Variants in SPAG16 observed in about 807,000 individuals in gnomAD.
The protein encoded by SPAG16 is sperm-associated antigen 16 protein.
Under a neutral mutation model 80.4 loss-of-function variants are expected in SPAG16, and 86 were observed. The observed-to-expected ratio is 1.07, with a 90% confidence interval of 0.90 to 1.28. The LOEUF (loss-of-function observed/expected upper bound fraction) is 1.28. Ranked by LOEUF, SPAG16 falls within the 50% of genes most tolerant of loss-of-function variation. The probability of loss-of-function intolerance (pLI) is 0.00; values close to 1 mark genes in which losing one functional copy is unlikely to be tolerated. For synonymous variants in SPAG16, 294 were observed against 265.9 expected (o/e 1.11, Z -1.03); for missense variants, 870 against 765.3 (o/e 1.14, Z -1.61).
chr2:213,308,846 T>C (rs1275241630), intron 3 of SPAG16, among the ~76,000 whole-genome samples: 3 of 152,128 alleles, frequency 2.0e-5, no homozygotes, highest in Non-Finnish European at 4.4e-5. Flanking sequence ...GCTATGTGGC[T>C]CAGGCCACAT....
At chr2:213,819,232 A>G (rs1018727704) in intron 10 of SPAG16, among the ~76,000 whole-genome samples, 7 of 152,206 alleles carry the variant, frequency 4.6e-5, no homozygotes, top group Non-Finnish European at 1.0e-4. Flanking sequence ...AATTCCAATC[A>G]GAGAGTTTTG....
chr2:213,833,505 TATATATA>T (rs2073852802), intron 10 of SPAG16, among the ~76,000 whole-genome samples: 3 of 2,330 alleles, frequency 1.3e-3, no homozygotes, highest in African/African-American at 2.6e-3. Context: ...ATATATATAT[TATATATA>T]ATATATATAA....
At chr2:213,685,373 C>T (rs1040996624) in intron 10 of SPAG16, among the ~76,000 whole-genome samples, 9 of 152,194 alleles carry the variant, frequency 5.9e-5, no homozygotes, top group African/African-American at 2.2e-4. Flanking sequence ...AGAATAAGGA[C>T]ATATTCAAGC....
At chr2:213,804,236 C>T (rs1307646830) in intron 10 of SPAG16, among the ~76,000 whole-genome samples, 2 of 152,078 alleles carry the variant, frequency 1.3e-5, no homozygotes, top group South Asian at 2.1e-4. Flanking sequence ...CAAAAGAAGC[C>T]GAATGAGTGG....
At chr2:214,224,293 T>A (rs1333335745) in intron 15 of SPAG16, among the ~76,000 whole-genome samples, 5 of 152,198 alleles carry the variant, frequency 3.3e-5, no homozygotes, top group Admixed American at 6.6e-5. Flanking sequence ...AATTAAAATG[T>A]TTCACAAACA....
intron 10 of SPAG16, among the ~76,000 whole-genome samples, chr2:213,780,308 C>G (rs1322253133): frequency 6.6e-6 from 1 of 152,202 alleles, no homozygotes; most frequent in Non-Finnish European, 1.5e-5. Context: ...TTAACCTACC[C>G]TTAAGGGTAA....
At chr2:214,295,904 T>G (rs1694098808) in intron 15 of SPAG16, among the ~76,000 whole-genome samples, 2 of 152,344 alleles carry the variant, frequency 1.3e-5, no homozygotes, top group South Asian at 4.1e-4. Context: ...ATTTTTATCT[T>G]TTTAAATTTT....
At chr2:213,454,678 T>G (rs1477919464) in intron 9 of SPAG16, among the ~76,000 whole-genome samples, 1 of 152,178 alleles carries the variant, frequency 6.6e-6, no homozygotes, top group African/African-American at 2.4e-5. Flanking sequence ...GCCTGAGGTG[T>G]CTTATTAACC....
chr2:214,139,811 C>T (rs2125531643), intron 14 of SPAG16, among the ~76,000 whole-genome samples: 1 of 152,256 alleles, frequency 6.6e-6, no homozygotes, highest in South Asian at 2.1e-4. Context: ...GCTTACTTTC[C>T]AACCTGACTC....
chr2:213,874,878 T>C (rs2076085423), intron 11 of SPAG16, among the ~76,000 whole-genome samples: 1 of 152,172 alleles, frequency 6.6e-6, no homozygotes, highest in Non-Finnish European at 1.5e-5. Context: ...GTCATTTATA[T>C]GCATGGGATG....
intron 10 of SPAG16, among the ~76,000 whole-genome samples, chr2:213,625,354 C>T (rs1163854617): frequency 6.6e-6 from 1 of 152,040 alleles, no homozygotes; most frequent in African/African-American, 2.4e-5. Flanking sequence ...ACAATGGATA[C>T]CCCATTCTCC....
intron 10 of SPAG16, among the ~76,000 whole-genome samples, chr2:213,604,274 A>G (rs1285944442): frequency 6.6e-6 from 1 of 151,884 alleles, no homozygotes; most frequent in Non-Finnish European, 1.5e-5. Context: ...TTAAATTGTC[A>G]TTTCCCTTCA....
intron 9 of SPAG16, among the ~76,000 whole-genome samples, chr2:213,392,663 G>A (rs1250759249): frequency 6.6e-6 from 1 of 152,104 alleles, no homozygotes; most frequent in Non-Finnish European, 1.5e-5. Flanking sequence ...TGGCCAACAT[G>A]ATGAAACCCT....
intron 11 of SPAG16, among the ~76,000 whole-genome samples, chr2:213,927,978 T>C (rs1459957912): frequency 7.2e-5 from 11 of 152,228 alleles, no homozygotes; most frequent in Admixed American, 7.2e-4. Context: ...GACAAACATA[T>C]GTGCAAACCA....
At chr2:213,977,994 G>A (rs1183954351) in intron 12 of SPAG16, among the ~76,000 whole-genome samples, 2 of 150,248 alleles carry the variant, frequency 1.3e-5, no homozygotes, top group Non-Finnish European at 3.0e-5. Context: ...TTTTTTTGTT[G>A]AGAGGATTTA....
chr2:214,062,235 C>T (rs888379333), intron 13 of SPAG16, among the ~76,000 whole-genome samples: 10 of 151,786 alleles, frequency 6.6e-5, no homozygotes, highest in African/African-American at 2.4e-4. Context: ...GCCTGGACAA[C>T]ATGATGAAAC....
At chr2:213,729,722 T>C (rs1447877299) in intron 10 of SPAG16, among the ~76,000 whole-genome samples, 2 of 152,238 alleles carry the variant, frequency 1.3e-5, no homozygotes, top group Non-Finnish European at 2.9e-5. Context: ...CTATTTATTA[T>C]AACTTATTTT....
At chr2:213,653,598 T>C (rs2063104106) in intron 10 of SPAG16, among the ~76,000 whole-genome samples, 2 of 152,246 alleles carry the variant, frequency 1.3e-5, no homozygotes, top group Non-Finnish European at 1.5e-5. Flanking sequence ...GAATTTCTAC[T>C]TATTGAGCAA....
chr2:214,271,670 G>A (rs1361860197), intron 15 of SPAG16, among the ~76,000 whole-genome samples: 1 of 151,976 alleles, frequency 6.6e-6, no homozygotes, highest in African/African-American at 2.4e-5. Context: ...CATGGCGGTG[G>A]GTGCCTGTAA....
Sources: allele counts gnomAD v4.1 joint callset (sites outside exome capture counted in the v4.1 genomes callset), GRCh38; gene constraint gnomAD v4.1.1; transcripts MANE v1.5; gene names NCBI Gene and HGNC (gene_info 2026-07-23, HGNC 2026-07-21).